Variants in MYO5B observed in about 807,000 individuals in gnomAD.
MYO5B encodes the protein unconventional myosin-Vb.
A neutral mutation model predicts 229.3 loss-of-function variants in MYO5B; 143 were observed. The observed-to-expected ratio is 0.62, with a 90% confidence interval of 0.54 to 0.72. The LOEUF (loss-of-function observed/expected upper bound fraction) is 0.72, where lower values mean the gene tolerates loss of function less well. Among genes scored for constraint, MYO5B ranks in the 30% least tolerant of loss-of-function variants. The pLI is 0.00. For synonymous variants in MYO5B, 918 were observed against 885.2 expected (o/e 1.04, Z -0.66); for missense variants, 2,321 against 2,331.0 (o/e 1.00, Z 0.09).
At chr18:50,146,035 C>T (rs1223087851) in intron 1 of MYO5B, among the ~76,000 whole-genome samples, 1 of 152,118 alleles carries the variant, frequency 6.6e-6, no homozygotes, top group Non-Finnish European at 1.5e-5. Flanking sequence ...ATGTCACTTC[C>T]CTAGAAGGTA....
At chr18:50,145,643 T>C (rs751457363) in intron 1 of MYO5B, among the ~76,000 whole-genome samples, 27 of 152,026 alleles carry the variant, frequency 1.8e-4, no homozygotes, top group Non-Finnish European at 3.7e-4. Context: ...ATTTTTCCAT[T>C]AGTTTTTTAA....
chr18:50,044,849 G>A (rs1429553956), intron 2 of MYO5B, among the ~76,000 whole-genome samples: 1 of 151,972 alleles, frequency 6.6e-6, no homozygotes, highest in Non-Finnish European at 1.5e-5. Context: ...GCTTTGTCCA[G>A]GGGGGTTTGG....
chr18:49,864,021 A>C (rs1484710245), intron 28 of MYO5B, 120 bp downstream of exon 28: 53 of 1,469,110 alleles, frequency 3.6e-5, no homozygotes, highest in African/African-American at 7.0e-5. Flanking sequence ...GAGACCCCAC[A>C]GCGAGAGACT....
At chr18:49,844,413 G>T (rs541826664) in intron 33 of MYO5B, among the ~76,000 whole-genome samples, 8 of 152,156 alleles carry the variant, frequency 5.3e-5, no homozygotes, top group Non-Finnish European at 8.8e-5. Flanking sequence ...CCCAAACGAG[G>T]CCTCATGAGC....
At chr18:49,896,168 C>T (rs2024776840) in intron 21 of MYO5B, among the ~76,000 whole-genome samples, 1 of 152,092 alleles carries the variant, frequency 6.6e-6, no homozygotes, top group Admixed American at 6.5e-5. Context: ...GCCCTTGGAC[C>T]CTGTAAAATG....
At chr18:50,007,001 C>A (rs931529476) in intron 4 of MYO5B, among the ~76,000 whole-genome samples, 2 of 152,210 alleles carry the variant, frequency 1.3e-5, no homozygotes, top group Non-Finnish European at 2.9e-5. Flanking sequence ...GCTCCAGAGG[C>A]TTCACTCCCC....
chr18:49,826,773 A>AC, intron 39 of MYO5B, 150 bp from the exon 40 acceptor site: 1 of 954,814 alleles, frequency 1.0e-6, no homozygotes, highest in Non-Finnish European at 1.6e-6. Context: ...TGATCTCCTC[A>AC]CCCTTGAGGT....
At chr18:50,078,197 C>A (rs1282348156) in intron 1 of MYO5B, among the ~76,000 whole-genome samples, 1 of 152,160 alleles carries the variant, frequency 6.6e-6, no homozygotes, top group Non-Finnish European at 1.5e-5. Context: ...ACAGGAGGTC[C>A]TACAGGGAAA....
At chr18:50,173,759 A>G (rs1004165076) in intron 1 of MYO5B, among the ~76,000 whole-genome samples, 1 of 152,162 alleles carries the variant, frequency 6.6e-6, no homozygotes, top group African/African-American at 2.4e-5. Flanking sequence ...AGAAACAGGA[A>G]TAGCAACATA....
intron 1 of MYO5B, among the ~76,000 whole-genome samples, chr18:50,182,132 T>C (rs1239116484): frequency 1.3e-5 from 2 of 152,228 alleles, no homozygotes; most frequent in Non-Finnish European, 1.5e-5. Flanking sequence ...AAACCTTTGT[T>C]GCCTGCGTGA....
chr18:49,898,241 T>C (rs1027057259), intron 21 of MYO5B, among the ~76,000 whole-genome samples: 1 of 152,228 alleles, frequency 6.6e-6, no homozygotes, highest in Non-Finnish European at 1.5e-5. Flanking sequence ...ATATGACATA[T>C]ATGCATGATT....
chr18:49,905,334 T>A (rs1160304108), intron 19 of MYO5B, among the ~76,000 whole-genome samples: 1 of 152,162 alleles, frequency 6.6e-6, no homozygotes, highest in Non-Finnish European at 1.5e-5. Flanking sequence ...CTTTATCTCC[T>A]CAACCCTTTC....
chr18:49,889,227 T>C (rs1186446052), intron 22 of MYO5B, among the ~76,000 whole-genome samples: 1 of 152,256 alleles, frequency 6.6e-6, no homozygotes, highest in South Asian at 2.1e-4. Context: ...AGGCAGCACA[T>C]ACAATGTAGG....
intron 1 of MYO5B, among the ~76,000 whole-genome samples, chr18:50,139,812 A>T (rs2032390467): frequency 6.6e-6 from 1 of 152,212 alleles, no homozygotes; most frequent in African/African-American, 2.4e-5. Context: ...AAATTGTCCC[A>T]TTCTCTTCAC....
At chr18:50,000,509 C>T (rs1442858493) in intron 5 of MYO5B, among the ~76,000 whole-genome samples, 1 of 152,152 alleles carries the variant, frequency 6.6e-6, no homozygotes, top group Non-Finnish European at 1.5e-5. Context: ...GAGGCCATTT[C>T]ATTCTAATCC....
At chr18:49,974,786 CACACACACACAG>C (rs1224293812) in intron 9 of MYO5B, among the ~76,000 whole-genome samples, 171 bp from the exon 10 acceptor site, 1 of 124,194 alleles carries the variant, frequency 8.1e-6, no homozygotes, top group African/African-American at 3.3e-5. Context: ...CTCTCACACA[CACACACACACAG>C]ACACACACAC....
chr18:50,115,031 T>C (rs9952908), intron 1 of MYO5B, among the ~76,000 whole-genome samples: 81,352 of 152,082 alleles, frequency 0.53, 21,947 homozygotes, highest in Admixed American at 0.64. Context: ...GGACAGCACC[T>C]TTCTGATTCC....
intron 27 of MYO5B, among the ~76,000 whole-genome samples, 165 bp from the exon 28 acceptor site, chr18:49,864,545 G>T (rs1297994258): frequency 6.6e-6 from 1 of 151,836 alleles, no homozygotes; most frequent in African/African-American, 2.4e-5. Flanking sequence ...TCAAAGCTGG[G>T]GCCTGGATGT....
chr18:49,952,154 T>C (rs1243693905), intron 14 of MYO5B, among the ~76,000 whole-genome samples: 1 of 152,238 alleles, frequency 6.6e-6, no homozygotes, highest in East Asian at 1.9e-4. Context: ...AGGGTTTACT[T>C]GGCTTTATGT....
Sources: allele counts gnomAD v4.1 joint callset (sites outside exome capture counted in the v4.1 genomes callset), GRCh38; gene constraint gnomAD v4.1.1; transcripts MANE v1.5; gene names NCBI Gene and HGNC (gene_info 2026-07-23, HGNC 2026-07-21).